Variants in SDK1 observed in about 807,000 individuals in gnomAD.
The protein encoded by SDK1 is sidekick cell adhesion molecule 1, also known as protein sidekick-1.
In SDK1, 157 loss-of-function variants were observed where a neutral mutation model predicts 245.5. The ratio of observed to expected loss-of-function variants is 0.64; its 90% CI spans 0.56 to 0.73. The LOEUF (loss-of-function observed/expected upper bound fraction) is 0.73, where lower values mean the gene tolerates loss of function less well. Among genes scored for constraint, SDK1 ranks in the 30% least tolerant of loss-of-function variants. The pLI, the probability that SDK1 is intolerant of heterozygous loss-of-function variation, is 0.00. For synonymous variants in SDK1, 1,647 were observed against 1,278.5 expected (o/e 1.29, Z -6.15); for missense variants, 3,583 against 3,002.3 (o/e 1.19, Z -4.52).
intron 1 of SDK1, among the ~76,000 whole-genome samples, chr7:3,546,654 A>AG (rs1459332198): frequency 3.5e-4 from 50 of 142,380 alleles, no homozygotes. Flanking sequence ...TGGGCTGCCC[A>AG]GGGGGGACGT....
intron 22 of SDK1, among the ~76,000 whole-genome samples, chr7:4,099,989 A>T (rs1782428437): frequency 6.6e-6 from 1 of 152,026 alleles, no homozygotes; most frequent in African/African-American, 2.4e-5. Context: ...AGGAAGTCTC[A>T]GGAGCTCAGT....
chr7:3,350,922 G>A (rs1387374957), intron 1 of SDK1, among the ~76,000 whole-genome samples: 1 of 152,166 alleles, frequency 6.6e-6, no homozygotes, highest in African/African-American at 2.4e-5. Flanking sequence ...TATATTTTGA[G>A]CTGGGTATTA....
Position 4,113,415 on chromosome 7 carries a change from G to T in SDK1, c.3561G>T (p.Glu1187Asp). The T allele has an allele frequency of 6.2e-7, 1 of 1,613,902 alleles. No individual in the cohort carries two copies. ...PTSVTVRTAS[E>D]TSLRLRWVPL... ...GCGTCACGGTCCGTACTGCCAGTGA[G>T]ACCAGCCTGCGGCTTCGCTGGGTGG... The change falls in exon 24 of 45, where the codon GAG becomes GAT. Residue 1187 changes from glutamate (E) to aspartate (D), a missense_variant. Physicochemically the swap from Glu to Asp is conservative, Grantham distance 45. Coordinates refer to ENST00000404826, the MANE Select transcript of SDK1 (RefSeq NM_152744.4).
At chr7:3,392,961 A>ATTT (rs572782966) in intron 1 of SDK1, among the ~76,000 whole-genome samples, 6,545 of 86,434 alleles carry the variant, frequency 0.076, 408 homozygotes, top group Non-Finnish European at 0.091. Context: ...CCTGTTTTAA[A>ATTT]TTTTTTTTTT....
At chr7:4,013,857 G>A (rs980233415) in intron 16 of SDK1, among the ~76,000 whole-genome samples, 2 of 152,230 alleles carry the variant, frequency 1.3e-5, no homozygotes, top group East Asian at 3.8e-4. Context: ...CAAAGAAGGG[G>A]GAAGAGGAGC....
At chr7:3,818,277 T>C (rs1779558286) in intron 4 of SDK1, among the ~76,000 whole-genome samples, 1 of 152,248 alleles carries the variant, frequency 6.6e-6, no homozygotes, top group Non-Finnish European at 1.5e-5. Flanking sequence ...AGTGTAAGTT[T>C]TAAATGTGTC....
chr7:3,710,392 A>T (rs1162116922), intron 4 of SDK1, among the ~76,000 whole-genome samples: 1 of 152,208 alleles, frequency 6.6e-6, no homozygotes, highest in Admixed American at 6.5e-5. Context: ...TTTTAATGAG[A>T]CTGGGAAAAA....
intron 4 of SDK1, among the ~76,000 whole-genome samples, chr7:3,765,664 T>A (rs1780233005): frequency 6.6e-6 from 1 of 152,226 alleles, no homozygotes; most frequent in African/African-American, 2.4e-5. Context: ...ACAACTTCAT[T>A]ATGCTTTCAG....
intron 1 of SDK1, among the ~76,000 whole-genome samples, chr7:3,451,005 C>T (rs1196513460): frequency 7.9e-5 from 12 of 152,064 alleles, no homozygotes; most frequent in Non-Finnish European, 1.0e-4. Context: ...ATCAGCTCAT[C>T]CTCAAACCTG....
At chr7:3,450,482 G>C (rs1380997789) in intron 1 of SDK1, among the ~76,000 whole-genome samples, 2 of 152,142 alleles carry the variant, frequency 1.3e-5, no homozygotes, top group African/African-American at 4.8e-5. Context: ...AGCAGTGCTA[G>C]CATTTGGGAT....
intron 1 of SDK1, among the ~76,000 whole-genome samples, chr7:3,433,912 T>C (rs1779940777): frequency 6.6e-6 from 1 of 152,210 alleles, no homozygotes; most frequent in Non-Finnish European, 1.5e-5. Context: ...ATATTGTAAA[T>C]ATAATGATTT....
Position 4,106,588 on chromosome 7 carries a change from G to A in SDK1, c.3325-4075G>A, listed in dbSNP as rs530498125. Among the ~76,000 whole-genome samples, 4 of 152,226 alleles carry A rather than the reference G, an allele frequency of 2.6e-5. No individual in the cohort carries two copies. In the South Asian group the frequency reaches 6.2e-4, roughly 24 times the overall value. On this transcript the variant is annotated intron_variant, in intron 22 of 44. Coordinates refer to ENST00000404826, the MANE Select transcript of SDK1 (RefSeq NM_152744.4). ...TGGGATTACAGGCGTGAGCCACCGC[G>A]CCCGGCCAGCCCCCGTTTGTGACCG...
intron 28 of SDK1, among the ~76,000 whole-genome samples, chr7:4,136,723 C>T (rs1186390140): frequency 1.3e-5 from 2 of 152,250 alleles, no homozygotes; most frequent in Non-Finnish European, 2.9e-5. Flanking sequence ...CCCACTTGGG[C>T]CTGCCCTGGC....
At chr7:3,462,345 C>G (rs775787210) in intron 1 of SDK1, among the ~76,000 whole-genome samples, 1 of 152,100 alleles carries the variant, frequency 6.6e-6, no homozygotes, top group African/African-American at 2.4e-5. Context: ...CCTGCCCCGC[C>G]GAGGTTGAGT....
chr7:3,660,741 G>A (rs1783325873), intron 4 of SDK1, among the ~76,000 whole-genome samples: 1 of 152,212 alleles, frequency 6.6e-6, no homozygotes, highest in South Asian at 2.1e-4. Context: ...TTAGTGCTTG[G>A]TCTTTGTCAT....
chr7:3,835,057 C>A lies in SDK1; in HGVS notation c.847+13474C>A, dbSNP rs762636610. Among the ~76,000 whole-genome samples the A allele has an allele frequency of 2.0e-5, 3 of 152,140 alleles. No homozygotes were observed. In the East Asian group the frequency reaches 5.8e-4, roughly 29 times the overall value. On this transcript the variant is annotated intron_variant, in intron 5 of 44. Coordinates refer to ENST00000404826, the MANE Select transcript of SDK1 (RefSeq NM_152744.4). ...GCCTCTCCTTTTTCTCCTTGGAGAT[C>A]GCACTCAAGACTCTTGAGACTTCAC...
intron 4 of SDK1, among the ~76,000 whole-genome samples, chr7:3,664,504 C>T (rs372640966): frequency 3.9e-5 from 6 of 152,082 alleles, no homozygotes; most frequent in Non-Finnish European, 5.9e-5. Context: ...TTTGGGAGGC[C>T]GAGGTGGGTG....
chr7:4,043,701 T>G (rs9692219), intron 17 of SDK1, among the ~76,000 whole-genome samples: 1 of 152,114 alleles, frequency 6.6e-6, no homozygotes, highest in Non-Finnish European at 1.5e-5. Context: ...CTGCAGGAAA[T>G]GACTACTTAT....
chr7:3,376,900 T>C (rs1430921300), intron 1 of SDK1, among the ~76,000 whole-genome samples: 1 of 152,172 alleles, frequency 6.6e-6, no homozygotes, highest in Non-Finnish European at 1.5e-5. Context: ...TTCCAGTTCC[T>C]CTTGGACTTT....
Sources: gnomAD v4.1 joint callset for allele counts (sites outside exome capture counted in the v4.1 genomes callset) on GRCh38, gnomAD v4.1.1 for gene constraint, MANE v1.5 for transcripts, NCBI Gene and HGNC (gene_info 2026-07-23, HGNC 2026-07-21) for gene names.